The following ABCB4 variants were observed in gnomAD, a reference collection of about 807,000 sequenced individuals.
The protein encoded by ABCB4 is phosphatidylcholine translocator ABCB4.
In ABCB4, 76 loss-of-function variants were observed where a neutral mutation model predicts 145.7. The ratio of observed to expected loss-of-function variants is 0.52; its 90% CI spans 0.43 to 0.63. ABCB4 has a LOEUF of 0.63. ABCB4 is among the 30% of genes least tolerant of loss of function. The probability of loss-of-function intolerance (pLI) is 0.00; values close to 1 mark genes in which losing one functional copy is unlikely to be tolerated. For missense variants in ABCB4, 1,234 were observed against 1,553.1 expected, an observed-to-expected ratio of 0.79 and a Z score of 3.45; for synonymous variants, 517 against 566.8, an observed-to-expected ratio of 0.91 and a Z score of 1.25.
intron 5 of ABCB4, among the ~76,000 whole-genome samples, chr7:87,453,659 A>G (rs75665183): frequency 0.054 from 8,221 of 152,292 alleles, 770 homozygotes; most frequent in African/African-American, 0.18. Context: ...TTGAACTGTT[A>G]GCCAAAGAAA....
At chr7:87,444,817 C>T in intron 10 of ABCB4, 45 bp downstream of exon 10, 2 of 1,437,160 alleles carry the variant, frequency 1.4e-6, no homozygotes, top group Non-Finnish European at 1.9e-6. Context: ...TTTAATTATA[C>T]AAGCTCAAAG....
intron 25 of ABCB4, 50 bp downstream of exon 25, chr7:87,407,987 G>T: frequency 6.2e-7 from 1 of 1,601,650 alleles, no homozygotes; most frequent in Non-Finnish European, 8.5e-7. Flanking sequence ...AATATTGGTT[G>T]GGCCAATTAA....
chr7:87,398,732 T>C (rs1807639087), downstream of ABCB4: 3 of 1,270,698 alleles, frequency 2.4e-6, no homozygotes, highest in South Asian at 4.2e-5. Flanking sequence ...GGAAGGAATG[T>C]TGACTTGCTA....
chr7:87,418,552 A>G lies in ABCB4; in HGVS notation c.2463T>C (p.Ala821=). 1 of 1,614,168 alleles carries G rather than the reference A, an allele frequency of 6.2e-7. No individual in the cohort carries two copies. The highest frequency in any genetic ancestry group is 8.5e-7 in the Non-Finnish European group (1 of 1,179,986). The change falls in exon 20 of 28, where the codon GCT becomes GCC. Residue 821 remains alanine (A), a synonymous_variant. Coordinates refer to ENST00000649586, the MANE Select transcript of ABCB4 (RefSeq NM_000443.4). ...GTCTACCTACTCCTTGGACTTGGGC[A>G]GCATCTGTGGCAAGTCTTGTAGAAA... ...GALSTRLATD[A]AQVQGATGTR...
rs371635543 is a variant in ABCB4 at position 87,422,228 on chromosome 7, A to G, written c.2212-3T>C. On this transcript the variant is annotated splice_polypyrimidine_tract_variant and splice_region_variant and intron_variant, in intron 17 of 27. Transcript: ENST00000649586. ...GCATCATCGCCTGGTCCAAAAATCT[A>G]CAAAAGAATATTTAAAACGCCCACT... is the stretch of plus-strand genomic sequence containing the variant. 3 of 1,609,582 alleles carry G rather than the reference A, an allele frequency of 1.9e-6. No homozygotes were observed. In the African/African-American group the frequency reaches 4.0e-5, roughly 22 times the overall value.
chr7:87,451,045 T>G (rs1811687026), intron 7 of ABCB4, among the ~76,000 whole-genome samples: 1 of 152,178 alleles, frequency 6.6e-6, no homozygotes, highest in Admixed American at 6.5e-5. Flanking sequence ...CAAACTCTAT[T>G]TAAAATTTTT....
chr7:87,404,210 T>C (rs1056584143), intron 26 of ABCB4, among the ~76,000 whole-genome samples: 1 of 152,188 alleles, frequency 6.6e-6, no homozygotes, highest in Non-Finnish European at 1.5e-5. Flanking sequence ...TTTCTAACTA[T>C]AGCAGAAAAT....
intron 15 of ABCB4, among the ~76,000 whole-genome samples, chr7:87,428,925 G>A (rs1046653937): frequency 6.6e-6 from 1 of 152,106 alleles, no homozygotes; most frequent in African/African-American, 2.4e-5. Context: ...TTAAAAAAAT[G>A]CTTGATTTTT....
intron 2 of ABCB4, among the ~76,000 whole-genome samples, chr7:87,474,129 T>G (rs1157793707): frequency 6.6e-6 from 1 of 152,226 alleles, no homozygotes; most frequent in Non-Finnish European, 1.5e-5. Context: ...CTCTGAGGAC[T>G]TTCCTGGGTT....
At chr7:87,413,443 G>A (rs1311335851) in intron 22 of ABCB4, among the ~76,000 whole-genome samples, 174 bp downstream of exon 22, 65 of 152,140 alleles carry the variant, frequency 4.3e-4, no homozygotes, top group Non-Finnish European at 1.5e-5. Flanking sequence ...ATATAATTCT[G>A]TGTCCTAGTC....
chr7:87,435,714 C>G lies in ABCB4; in HGVS notation c.1731+3953G>C, dbSNP rs1377867746. On this transcript the variant is annotated intron_variant, in intron 14 of 27. Coordinates refer to ENST00000649586, the MANE Select transcript of ABCB4 (RefSeq NM_000443.4). ...CCAACAGAAAAACCACTTTACCAACCCACAAATTTGTGGGCAATAAAAGTT... is the reference window on the plus strand; with the variant it reads ...CCAACAGAAAAACCACTTTACCAACGCACAAATTTGTGGGCAATAAAAGTT... Among the ~76,000 whole-genome samples, 3 of 152,260 alleles carry G rather than the reference C, an allele frequency of 2.0e-5. No individual in the cohort carries two copies. The East Asian group carries it at 5.8e-4, about 29-fold the overall frequency.
chr7:87,441,570 T>C (rs1033625434), intron 12 of ABCB4, among the ~76,000 whole-genome samples: 2 of 151,694 alleles, frequency 1.3e-5, no homozygotes, highest in Non-Finnish European at 2.9e-5. Context: ...TCCAATTCAT[T>C]ATTTTTGTCC....
intron 21 of ABCB4, among the ~76,000 whole-genome samples, chr7:87,416,005 C>A (rs1489145448): frequency 5.3e-5 from 8 of 152,102 alleles, no homozygotes; most frequent in African/African-American, 1.9e-4. Context: ...GGAAATGATG[C>A]CCTAAAGTAC....
chr7:87,391,457 TGAAAG>T, the ABCB4 span: 1 of 807,246 alleles, frequency 1.2e-6, no homozygotes, highest in Non-Finnish European at 1.8e-6. Context: ...TCTTTTTTGT[TGAAAG>T]TCTCCAACCT....
At chr7:87,377,896 A>G in the ABCB4 span, among the ~76,000 whole-genome samples, 3 of 152,206 alleles carry the variant, frequency 2.0e-5, no homozygotes, top group African/African-American at 7.2e-5. Context: ...TGTGGATATT[A>G]AAATGGCAGT....
intron 25 of ABCB4, 33 bp from the exon 26 acceptor site, chr7:87,406,527 G>T (rs761703011): frequency 1.9e-6 from 3 of 1,609,630 alleles, no homozygotes; most frequent in Admixed American, 1.7e-5. Flanking sequence ...TATAAGAAGG[G>T]TATAAAAAAG....
chr7:87,398,523 G>A, downstream of ABCB4: 1 of 1,613,524 alleles, frequency 6.2e-7, no homozygotes, highest in African/African-American at 1.3e-5. Context: ...ATGCTTCACA[G>A]GTTTGTTGTG....
At chr7:87,436,886 T>C (rs1208052336) in intron 14 of ABCB4, among the ~76,000 whole-genome samples, 8 of 152,202 alleles carry the variant, frequency 5.3e-5, no homozygotes, top group Non-Finnish European at 1.0e-4. Flanking sequence ...TGATAACTTG[T>C]CTTTTTCATA....
At chr7:87,443,159 C>A (rs1240356378) in intron 12 of ABCB4, among the ~76,000 whole-genome samples, 160 bp downstream of exon 12, 2 of 152,206 alleles carry the variant, frequency 1.3e-5, no homozygotes, top group East Asian at 3.8e-4. Flanking sequence ...ATTTGTGAAA[C>A]CAGCCCAAGG....
Sources: gnomAD v4.1 joint callset for allele counts (sites outside exome capture counted in the v4.1 genomes callset) on GRCh38, gnomAD v4.1.1 for gene constraint, MANE v1.5 for transcripts, NCBI Gene and HGNC (gene_info 2026-07-23, HGNC 2026-07-21) for gene names.